SLC22A23: variants seen among roughly 807,000 people sequenced by gnomAD.
SLC22A23 encodes ion transporter protein.
Under a neutral mutation model 61.0 loss-of-function variants are expected in SLC22A23, and 26 were observed. That is an observed-to-expected ratio of 0.43 (90% CI 0.31 to 0.59). SLC22A23 has a LOEUF of 0.59. Ranked by LOEUF, SLC22A23 falls within the 20% of genes least tolerant of loss-of-function variation. The probability of loss-of-function intolerance (pLI) is 0.11; values close to 1 mark genes in which losing one functional copy is unlikely to be tolerated. For synonymous variants in SLC22A23, 430 were observed against 413.9 expected (o/e 1.04, Z -0.47); for missense variants, 796 against 934.7 (o/e 0.85, Z 1.94).
intron 4 of SLC22A23, chr6:3,302,964 CAGGGGAT>C (rs1394489391): frequency 6.6e-6 from 1 of 152,144 alleles, no homozygotes; most frequent in African/African-American, 2.4e-5. Context: ...ATTCATCTGA[CAGGGGAT>C]TAACATCTAG....
At chr6:3,277,676 C>T (rs1239547087) in intron 9 of SLC22A23, among the ~76,000 whole-genome samples, 4 of 152,226 alleles carry the variant, frequency 2.6e-5, no homozygotes, top group African/African-American at 9.6e-5. Flanking sequence ...CGTGTGCTGT[C>T]CCCAGCACCT....
rs943304531 is a variant in SLC22A23 at position 3,273,280 on chromosome 6, G to A, written c.1836C>T (p.Ile612=). ...TCTCGGGCAGCAGGAGGATGCAGAT[G>A]ATGCAGATGAGCGTGCAGCAGGCAA... The part of the protein sequence containing the change: ...IIFACCTLIC[I]ICILLLPESR... The change falls in exon 10 of 10, where the codon ATC becomes ATT. Residue 612 remains isoleucine (I), a synonymous_variant. Transcript: ENST00000406686. 6.2e-6 allele frequency: 10 copies of A among 1,613,836 alleles called. No homozygotes were observed. The highest frequency in any genetic ancestry group is 2.2e-5 in the South Asian group (2 of 91,078).
Position 3,317,659 on chromosome 6 carries a change from T to TA in SLC22A23, c.1082+6174dup, listed in dbSNP as rs1171181348. Among the ~76,000 whole-genome samples, 1 of 152,166 alleles carries TA rather than the reference T, an allele frequency of 6.6e-6. No individual in the cohort carries two copies. Among genetic ancestry groups the TA allele is most frequent in the Non-Finnish European group, 1.5e-5 (1 of 68,028 alleles). On this transcript the variant is annotated intron_variant, in intron 4 of 9. Coordinates refer to ENST00000406686, the MANE Select transcript of SLC22A23 (RefSeq NM_015482.2). This position sits in a 1 kb window ranked among gnomAD's most constrained non-coding sequence, Gnocchi z 4.4. ...ACAATCAATGCCTGAGCAAAATGACTAAAGATGCATTTCTCTTCAGGCATC... is the reference window on the plus strand; with the variant it reads ...ACAATCAATGCCTGAGCAAAATGACTAAAAGATGCATTTCTCTTCAGGCATC...
At chr6:3,446,373 C>T (rs1771896365) in intron 1 of SLC22A23, among the ~76,000 whole-genome samples, 1 of 152,216 alleles carries the variant, frequency 6.6e-6, no homozygotes, top group Admixed American at 6.5e-5. Context: ...AACATGGCCA[C>T]GCCCAGGACA....
chr6:3,281,656 G>T (rs919428685), intron 9 of SLC22A23, among the ~76,000 whole-genome samples: 9 of 152,170 alleles, frequency 5.9e-5, no homozygotes, highest in Admixed American at 5.2e-4. Flanking sequence ...TCTGTGAAGT[G>T]GGGGGATGGT....
intron 9 of SLC22A23, among the ~76,000 whole-genome samples, chr6:3,280,834 G>C (rs1759408076): frequency 6.6e-6 from 1 of 152,126 alleles, no homozygotes; most frequent in Admixed American, 6.5e-5. Flanking sequence ...AACAGACTCT[G>C]ATACTCCCTT....
intron 3 of SLC22A23, among the ~76,000 whole-genome samples, chr6:3,365,628 AT>A (rs1202097769): frequency 6.6e-6 from 1 of 152,190 alleles, no homozygotes; most frequent in Non-Finnish European, 1.5e-5. Flanking sequence ...AAGAAAGCAA[AT>A]TAGACCTATA....
At chr6:3,413,189 G>A (rs1158033134) in intron 2 of SLC22A23, among the ~76,000 whole-genome samples, 4 of 152,186 alleles carry the variant, frequency 2.6e-5, no homozygotes, top group East Asian at 3.9e-4. Context: ...CACAACAGAC[G>A]GTGTTTGACC....
At chr6:3,316,701 A>G (rs1438656250) in intron 4 of SLC22A23, among the ~76,000 whole-genome samples, 1 of 152,184 alleles carries the variant, frequency 6.6e-6, no homozygotes, top group Non-Finnish European at 1.5e-5. Flanking sequence ...GAAGTGGTGC[A>G]ATCATAGTTC....
chr6:3,404,880 T>C (rs1768690076), intron 3 of SLC22A23, among the ~76,000 whole-genome samples: 1 of 151,970 alleles, frequency 6.6e-6, no homozygotes, highest in East Asian at 1.9e-4. Context: ...AAATGACCAA[T>C]GGAGAGACCT....
In SLC22A23 at chr6:3,304,037, G is replaced by T. The variant is rs1343257936; in HGVS notation, c.1083-5819C>A. 2.0e-5 allele frequency among the ~76,000 whole-genome samples: 3 copies of T among 152,228 alleles called. No homozygotes were observed. The highest frequency in any genetic ancestry group is 4.4e-5 in the Non-Finnish European group (3 of 68,040). The stretch of plus-strand genomic sequence containing the variant: ...ATACCAGGCAGACATTGGTGCTACT[G>T]GAATTCCATCAGTCCAGGCATTGGA... On this transcript the variant is annotated intron_variant, in intron 4 of 9. Transcript: ENST00000406686. The surrounding 1 kb of genome is among the most constrained non-coding windows in gnomAD (Gnocchi z 4.3).
At chr6:3,382,297 A>G (rs1340809866) in intron 3 of SLC22A23, among the ~76,000 whole-genome samples, 1 of 152,256 alleles carries the variant, frequency 6.6e-6, no homozygotes, top group African/African-American at 2.4e-5. Flanking sequence ...ACTCTGTCCC[A>G]GCCTAAAATT....
At chr6:3,273,786 A>G (rs1758652099) in intron 9 of SLC22A23, among the ~76,000 whole-genome samples, 1 of 152,230 alleles carries the variant, frequency 6.6e-6, no homozygotes, top group Non-Finnish European at 1.5e-5. Context: ...TATACAAGGA[A>G]AAACAAAAGG....
intron 1 of SLC22A23, chr6:3,439,364 A>G (rs904259980): frequency 2.2e-6 from 1 of 449,522 alleles, no homozygotes; most frequent in African/African-American, 2.0e-5. Flanking sequence ...CATTTCTGAA[A>G]GTTCCCCAGG....
chr6:3,446,462 A>C (rs1771900864), intron 1 of SLC22A23, among the ~76,000 whole-genome samples: 1 of 152,226 alleles, frequency 6.6e-6, no homozygotes, highest in Admixed American at 6.5e-5. Flanking sequence ...ATGGTTTCAC[A>C]TATCTGGGTC....
chr6:3,442,627 A>G (rs1293688471), intron 1 of SLC22A23, among the ~76,000 whole-genome samples: 2 of 152,190 alleles, frequency 1.3e-5, no homozygotes, highest in Non-Finnish European at 2.9e-5. Context: ...AACACTCCAT[A>G]GTGCAAATTA....
rs182992463 is a variant in SLC22A23, at chr6:3,395,834, T to C, written c.913+14354A>G. 1.1e-4 allele frequency among the ~76,000 whole-genome samples: 17 copies of C among 152,346 alleles called. No homozygotes were observed. The East Asian group carries it at 3.3e-3, about 29-fold the overall frequency. On this transcript the variant is annotated intron_variant, in intron 3 of 9. Coordinates refer to ENST00000406686, the MANE Select transcript of SLC22A23 (RefSeq NM_015482.2). ...ATTCAACCCATCATGAGTCAGTGGG[T>C]AATTCTGTTTCAGGAAAAGACTATT...
In SLC22A23 at chr6:3,360,919, A is replaced by G. The variant is rs1265233861; in HGVS notation, c.914-36917T>C. On this transcript the variant is annotated intron_variant, in intron 3 of 9. Coordinates refer to ENST00000406686, the MANE Select transcript of SLC22A23 (RefSeq NM_015482.2). This position sits in a 1 kb window ranked among gnomAD's most constrained non-coding sequence, Gnocchi z 4.6. ...ACAGGTGCAGCAGGAACAGAAGGTC[A>G]GAGCGTGGTACTGGGGTGACGAGAG... is the stretch of plus-strand genomic sequence containing the variant. Among the ~76,000 whole-genome samples, 1 of 152,254 alleles carries G rather than the reference A, an allele frequency of 6.6e-6. No individual in the cohort carries two copies. Among genetic ancestry groups the G allele is most frequent in the Non-Finnish European group, 1.5e-5 (1 of 68,038 alleles).
At chr6:3,321,592 AAAAC>A (rs1401245014) in intron 4 of SLC22A23, among the ~76,000 whole-genome samples, 1 of 151,900 alleles carries the variant, frequency 6.6e-6, no homozygotes, top group African/African-American at 2.4e-5. Flanking sequence ...AAAAAAAAAC[AAAAC>A]AAAAACCCGG....
Sources: allele counts gnomAD v4.1 joint callset (sites outside exome capture counted in the v4.1 genomes callset), GRCh38; gene constraint gnomAD v4.1.1; non-coding constraint Gnocchi (gnomAD v3.1); transcripts MANE v1.5; gene names NCBI Gene and HGNC (gene_info 2026-07-23, HGNC 2026-07-21).